Variants in SPHKAP observed in about 807,000 individuals in gnomAD.
SPHKAP encodes the protein SPHK1 interactor, AKAP domain containing, also known as A-kinase anchor protein SPHKAP.
In SPHKAP, 67 loss-of-function variants were observed where a neutral mutation model predicts 137.5. The observed-to-expected ratio is 0.49, with a 90% CI of 0.40 to 0.60. The LOEUF (loss-of-function observed/expected upper bound fraction) is 0.60, where lower values mean the gene tolerates loss of function less well. Ranked by LOEUF, SPHKAP falls within the 20% of genes least tolerant of loss-of-function variation. The pLI is 0.00. For synonymous variants in SPHKAP, 813 were observed against 785.3 expected (o/e 1.04, Z -0.59); for missense variants, 2,097 against 2,069.3 (o/e 1.01, Z -0.26).
chr2:228,158,327 T>TTTC (rs1491154247), intron 1 of SPHKAP, among the ~76,000 whole-genome samples: 6 of 24,212 alleles, frequency 2.5e-4, no homozygotes, highest in East Asian at 2.3e-3. Flanking sequence ...TACTTCTTTC[T>TTTC]TTTTTTTTTT....
intron 3 of SPHKAP, among the ~76,000 whole-genome samples, chr2:228,104,290 T>A (rs1698269840): frequency 1.4e-5 from 2 of 144,098 alleles, no homozygotes; most frequent in African/African-American, 5.2e-5. Context: ...TATCATTATA[T>A]CATATATTAT....
intron 5 of SPHKAP, among the ~76,000 whole-genome samples, chr2:228,022,958 G>A (rs1694894994): frequency 6.6e-6 from 1 of 152,130 alleles, no homozygotes; most frequent in African/African-American, 2.4e-5. Flanking sequence ...GAAATTAAAT[G>A]AAATCCATAG....
chr2:228,006,489 C>T (rs898310220), intron 7 of SPHKAP, among the ~76,000 whole-genome samples: 1 of 152,182 alleles, frequency 6.6e-6, no homozygotes, highest in Non-Finnish European at 1.5e-5. Flanking sequence ...TTTCAAACTT[C>T]CTCCTTTAGC....
At chr2:227,995,782 T>C in intron 7 of SPHKAP, 88 bp from the exon 8 acceptor site, 1 of 1,389,050 alleles carries the variant, frequency 7.2e-7, no homozygotes, top group Non-Finnish European at 9.5e-7. Flanking sequence ...AGAGTCCCAA[T>C]AAACAGGATG....
chr2:228,104,333 T>TTAATATTAAAATAATATTAAATAATA (rs1384580024), intron 3 of SPHKAP, among the ~76,000 whole-genome samples: 2 of 145,914 alleles, frequency 1.4e-5, no homozygotes, highest in African/African-American at 5.0e-5. Context: ...ATTAAATAAT[T>TTAATATTAAAATAATATTAAATAATA]TAATATTAAA....
intron 9 of SPHKAP, chr2:227,991,574 TA>T (rs1248483426): frequency 1.0e-6 from 1 of 985,288 alleles, no homozygotes; most frequent in Non-Finnish European, 1.2e-6. Context: ...TTAGTTAGGA[TA>T]GCTGGTGTGG....
intron 3 of SPHKAP, among the ~76,000 whole-genome samples, chr2:228,062,212 A>C (rs10191769): frequency 0.67 from 101,171 of 150,110 alleles, 34,338 homozygotes; most frequent in African/African-American, 0.78. Context: ...GCAACCTCTG[A>C]CTCCTGGGTT....
intron 11 of SPHKAP, among the ~76,000 whole-genome samples, chr2:227,983,431 G>A (rs1184211515): frequency 6.6e-6 from 1 of 152,204 alleles, no homozygotes; most frequent in African/African-American, 2.4e-5. Context: ...CTTAAAGAGT[G>A]TTAGGATGTT....
At chr2:228,065,823 C>T (rs1034766270) in intron 3 of SPHKAP, among the ~76,000 whole-genome samples, 5 of 152,200 alleles carry the variant, frequency 3.3e-5, no homozygotes, top group Non-Finnish European at 7.3e-5. Flanking sequence ...AAGGCTGCCT[C>T]TGGACACTTA....
At chr2:228,084,085 G>GA (rs767925758) in intron 3 of SPHKAP, among the ~76,000 whole-genome samples, 10 of 147,508 alleles carry the variant, frequency 6.8e-5, no homozygotes, top group Non-Finnish European at 1.5e-4. Flanking sequence ...GTACCACCCA[G>GA]AACTTAAAGT....
chr2:228,134,698 A>G (rs1375162973), intron 1 of SPHKAP, among the ~76,000 whole-genome samples: 6 of 152,194 alleles, frequency 3.9e-5, no homozygotes, highest in Admixed American at 3.9e-4. Flanking sequence ...GTCAAGTTAT[A>G]TGACTCCTTC....
chr2:228,105,671 G>A (rs1296503839), intron 3 of SPHKAP, among the ~76,000 whole-genome samples: 3 of 152,042 alleles, frequency 2.0e-5, no homozygotes, highest in African/African-American at 4.8e-5. Flanking sequence ...TCATGGGGGT[G>A]GTTTCCCCCA....
At chr2:228,129,504 C>T (rs564941832) in intron 2 of SPHKAP, among the ~76,000 whole-genome samples, 8 of 152,086 alleles carry the variant, frequency 5.3e-5, no homozygotes, top group Non-Finnish European at 7.4e-5. Context: ...TGTATTTCTC[C>T]CCAAGATCTA....
chr2:228,131,657 T>C (rs1699255245), intron 2 of SPHKAP: 1 of 425,920 alleles, frequency 2.3e-6, no homozygotes, highest in South Asian at 9.4e-5. Flanking sequence ...TGTTGAGTCA[T>C]TCAAAATGCA....
intron 3 of SPHKAP, among the ~76,000 whole-genome samples, chr2:228,059,620 A>G (rs1006372660): frequency 6.6e-6 from 1 of 152,240 alleles, no homozygotes; most frequent in African/African-American, 2.4e-5. Context: ...TTGCCACTTT[A>G]TCCTCCAATT....
intron 1 of SPHKAP, among the ~76,000 whole-genome samples, chr2:228,154,508 C>CTATATATATATATA (rs1331355468): frequency 1.4e-3 from 49 of 34,560 alleles, no homozygotes; most frequent in East Asian, 4.9e-3. Context: ...CTCTCTCTCT[C>CTATATATATATATA]TCTCTATATA....
At chr2:228,180,900 G>A (rs561827374) in intron 1 of SPHKAP, among the ~76,000 whole-genome samples, 2 of 152,326 alleles carry the variant, frequency 1.3e-5, no homozygotes, top group African/African-American at 2.4e-5. Flanking sequence ...ACCCGGCAGC[G>A]CCTGGGGTGG....
rs144258607 is a variant in SPHKAP at position 227,991,848 on chromosome 2, C to T, written c.4722-522G>A. 3.5e-3 allele frequency: 1,350 copies of T among 380,454 alleles called. 19 individuals are homozygous for T. The highest frequency in any genetic ancestry group is 0.027 in the African/African-American group (1,237 of 46,000). The allele number at this position is 380,454 out of a possible 1,614,324, so 23.6% of individuals were successfully genotyped here. A position where few individuals can be genotyped will look rare whatever the true frequency, so the allele number is the denominator to read the frequency against. ...TGATCTGAAATAAGAAAAAAGACAA[C>T]CAACAAACTGCAGAACTTAAATTTG... is the stretch of plus-strand genomic sequence containing the variant. On this transcript the variant is annotated intron_variant, in intron 9 of 11. Coordinates refer to ENST00000392056, the MANE Select transcript of SPHKAP (RefSeq NM_001142644.2).
intron 1 of SPHKAP, among the ~76,000 whole-genome samples, chr2:228,161,167 G>A (rs559100300): frequency 6.6e-6 from 1 of 152,310 alleles, no homozygotes; most frequent in African/African-American, 2.4e-5. Flanking sequence ...TGGGAGTCTG[G>A]CTTATAAAGG....
Sources: allele counts gnomAD v4.1 joint callset (sites outside exome capture counted in the v4.1 genomes callset), GRCh38; gene constraint gnomAD v4.1.1; transcripts MANE v1.5; gene names NCBI Gene and HGNC (gene_info 2026-07-23, HGNC 2026-07-21).